DNAH9: variants seen among roughly 807,000 people sequenced by gnomAD.
DNAH9 encodes DNAH9 variant protein.
Under a neutral mutation model 471.6 loss-of-function variants are expected in DNAH9, and 345 were observed. The observed-to-expected ratio is 0.73, with a 90% CI of 0.67 to 0.80. The LOEUF is 0.80. Among genes scored for constraint, DNAH9 ranks in the 30% least tolerant of loss-of-function variants. DNAH9 has a pLI of 0.00. For synonymous variants in DNAH9, 2,093 were observed against 2,123.6 expected, an observed-to-expected ratio of 0.99 and a Z score of 0.40; for missense variants, 5,407 against 5,609.2, an observed-to-expected ratio of 0.96 and a Z score of 1.15.
intron 42 of DNAH9, among the ~76,000 whole-genome samples, chr17:11,796,528 A>G (rs1283795533): frequency 6.6e-6 from 1 of 152,136 alleles, no homozygotes; most frequent in African/African-American, 2.4e-5. Flanking sequence ...TCCCTATATT[A>G]GGTTTGGTGA....
chr17:11,836,476 C>A (rs1393281788), intron 49 of DNAH9, among the ~76,000 whole-genome samples: 1 of 152,170 alleles, frequency 6.6e-6, no homozygotes, highest in African/African-American at 2.4e-5. Context: ...AAGAAAAACA[C>A]AAGATTTTTC....
chr17:11,712,002 TTGTATATATATTTA>T (rs2074852566), intron 26 of DNAH9, among the ~76,000 whole-genome samples: 4 of 2,806 alleles, frequency 1.4e-3, no homozygotes, highest in Non-Finnish European at 6.5e-3. Context: ...ATATATATAT[TTGTATATATATTTA>T]TATATAAATA....
chr17:11,620,036 C>T (rs780529722), intron 6 of DNAH9: 18 of 473,694 alleles, frequency 3.8e-5, no homozygotes, highest in Non-Finnish European at 4.6e-5. Context: ...CATGGCAAAA[C>T]GCCTTCTCTA....
intron 65 of DNAH9, among the ~76,000 whole-genome samples, chr17:11,934,314 G>A (rs562598926): frequency 3.9e-5 from 6 of 152,100 alleles, no homozygotes; most frequent in Non-Finnish European, 8.8e-5. Context: ...TAATCAAATG[G>A]AGCCTTTGGA....
rs559994279 is a variant in DNAH9, at chr17:11,776,635, T to C, written c.7553-4374T>C. Reference sequence around the variant, plus strand: ...TTAACACCAAAGCTGTCTAATTTCATGAAACTATGAAGACCTTCTACTTTG... The same window carrying C: ...TTAACACCAAAGCTGTCTAATTTCACGAAACTATGAAGACCTTCTACTTTG... On this transcript the variant is annotated intron_variant, in intron 38 of 68. Coordinates refer to ENST00000262442, the MANE Select transcript of DNAH9 (RefSeq NM_001372.4). 2.2e-4 allele frequency among the ~76,000 whole-genome samples: 34 copies of C among 152,354 alleles called. 1 individual carries two copies. In the South Asian group the frequency reaches 7.0e-3, roughly 32 times the overall value.
At position 11,783,713 on chromosome 17, in the gene DNAH9, AC is replaced by A; in HGVS notation, c.7787del (p.Thr2596ArgfsTer40). On this transcript the variant is annotated frameshift_variant, in exon 40 of 69. Coordinates refer to ENST00000262442, the MANE Select transcript of DNAH9 (RefSeq NM_001372.4). LOFTEE classifies it high-confidence loss of function. ...ACAGTATGTTTCCTGTATGAACCCC[AC>A]GGCAGGCAGCTTCACCATCAACCCC... The part of the protein sequence containing the change: ...NVQYVSCMNP[T>X]AGSFTINPRL... The A allele has an allele frequency of 1.2e-6, 2 of 1,614,042 alleles. No individual in the cohort carries two copies. The highest frequency in any genetic ancestry group is 1.7e-6 in the Non-Finnish European group (2 of 1,179,992).
At chr17:11,877,143 C>G (rs987181298) in intron 53 of DNAH9, among the ~76,000 whole-genome samples, 1 of 151,686 alleles carries the variant, frequency 6.6e-6, no homozygotes, top group African/African-American at 2.4e-5. Flanking sequence ...TATTTTACCA[C>G]AATTTAAATA....
intron 4 of DNAH9, among the ~76,000 whole-genome samples, chr17:11,615,458 G>A (rs2072721890): frequency 6.6e-6 from 1 of 151,960 alleles, no homozygotes; most frequent in Non-Finnish European, 1.5e-5. Context: ...GGTGGTGCAT[G>A]TCTGTAATCC....
At chr17:11,695,215 G>A (rs2074454581) in intron 22 of DNAH9, among the ~76,000 whole-genome samples, 2 of 152,008 alleles carry the variant, frequency 1.3e-5, no homozygotes, top group Admixed American at 1.3e-4. Context: ...ATCCCCATCA[G>A]TATTGCTGCT....
chr17:11,780,877 T>C, intron 38 of DNAH9, 132 bp from the exon 39 acceptor site: 1 of 891,416 alleles, frequency 1.1e-6, no homozygotes. Flanking sequence ...CTGTTATTAT[T>C]GTTGTCTTTC....
At chr17:11,938,083 A>G (rs1974771556) in intron 66 of DNAH9, among the ~76,000 whole-genome samples, 1 of 152,166 alleles carries the variant, frequency 6.6e-6, no homozygotes, top group Non-Finnish European at 1.5e-5. Flanking sequence ...GAAGGGAATT[A>G]TGGAGTAGAA....
chr17:11,640,776 C>A (rs1315844810), intron 10 of DNAH9, among the ~76,000 whole-genome samples: 1 of 152,148 alleles, frequency 6.6e-6, no homozygotes. Context: ...AGGTCTCTGT[C>A]CATCAGGATA....
At chr17:11,734,913 A>G (rs2075321252) in intron 28 of DNAH9, among the ~76,000 whole-genome samples, 1 of 152,208 alleles carries the variant, frequency 6.6e-6, no homozygotes. Context: ...AGGGATGAGT[A>G]GAAATGTAAG....
chr17:11,726,658 A>G (rs556536382), intron 27 of DNAH9, among the ~76,000 whole-genome samples: 3 of 152,204 alleles, frequency 2.0e-5, no homozygotes, highest in Middle Eastern at 3.4e-3. Context: ...TCCTGTTTTT[A>G]TGTATATACC....
intron 40 of DNAH9, 57 bp from the exon 41 acceptor site, chr17:11,784,243 G>T: frequency 6.3e-7 from 1 of 1,598,652 alleles, no homozygotes; most frequent in Non-Finnish European, 8.6e-7. Flanking sequence ...ATTCAGAAGC[G>T]GTGATTTCTA....
At chr17:11,953,661 A>C (rs1597870844) in intron 67 of DNAH9, among the ~76,000 whole-genome samples, 1 of 151,918 alleles carries the variant, frequency 6.6e-6, no homozygotes, top group Non-Finnish European at 1.5e-5. Context: ...AATACAAAAA[A>C]ATTAGCCAGG....
intron 43 of DNAH9, among the ~76,000 whole-genome samples, chr17:11,807,400 G>T (rs1332855524): frequency 1.3e-5 from 2 of 152,156 alleles, no homozygotes; most frequent in Non-Finnish European, 2.9e-5. Flanking sequence ...AGGTGTGGCA[G>T]GGTCAGTTAT....
chr17:11,788,398 A>C (rs1968948814), intron 41 of DNAH9, among the ~76,000 whole-genome samples: 1 of 152,336 alleles, frequency 6.6e-6, no homozygotes, highest in South Asian at 2.1e-4. Flanking sequence ...CAAGCATACA[A>C]CTTGGTTAAT....
intron 61 of DNAH9, among the ~76,000 whole-genome samples, chr17:11,922,853 G>T (rs1974178647): frequency 6.6e-6 from 1 of 152,098 alleles, no homozygotes. Context: ...TTTATTCAGA[G>T]GACAAGGCAA....
Sources: gnomAD v4.1 joint callset for allele counts (sites outside exome capture counted in the v4.1 genomes callset) on GRCh38, gnomAD v4.1.1 for gene constraint, MANE v1.5 for transcripts, NCBI Gene and HGNC (gene_info 2026-07-23, HGNC 2026-07-21) for gene names.